HIRA: variants seen among roughly 807,000 people sequenced by gnomAD.
The protein encoded by HIRA is protein HIRA.
A neutral mutation model predicts 126.6 loss-of-function variants in HIRA; 13 were observed. That is an observed-to-expected ratio of 0.10 (90% CI 0.07 to 0.16). The LOEUF (loss-of-function observed/expected upper bound fraction) is 0.16. Ranked by LOEUF, HIRA falls within the 10% of genes least tolerant of loss-of-function variation. The pLI is 1.00. For missense variants in HIRA, 834 were observed against 1,314.4 expected (o/e 0.63, Z 5.65); for synonymous variants, 511 against 520.0 (o/e 0.98, Z 0.24).
chr22:19,361,763 C>T lies in HIRA; in HGVS notation c.1944G>A (p.Lys648=). ...GAGACACAGGCATGAGACGAGAGTC[C>T]TTCCGAGGCCGCCCTTTCTTCTTCT... ...VEKKKKGRPR[K]DSRLMPVSLS... is the part of the protein sequence containing the mutation. The change falls in exon 16 of 25, where the codon AAG becomes AAA. Residue 648 remains lysine (K), a synonymous_variant. Coordinates refer to ENST00000263208, the MANE Select transcript of HIRA (RefSeq NM_003325.4). The T allele has an allele frequency of 1.9e-6, 3 of 1,613,000 alleles. No individual in the cohort carries two copies. Among genetic ancestry groups the T allele is most frequent in the Non-Finnish European group, 2.5e-6 (3 of 1,180,046 alleles).
chr22:19,377,217 G>C (rs1169785740), intron 14 of HIRA, among the ~76,000 whole-genome samples: 1 of 152,002 alleles, frequency 6.6e-6, no homozygotes, highest in African/African-American at 2.4e-5. Flanking sequence ...CTGCAACCCT[G>C]TGGCTACCTC....
At chr22:19,383,515 G>C in intron 13 of HIRA, 105 bp downstream of exon 13, 1 of 900,630 alleles carries the variant, frequency 1.1e-6, no homozygotes, top group Non-Finnish European at 1.8e-6. Context: ...CTACCAGTCA[G>C]GTTGTGAAGG....
intron 24 of HIRA, among the ~76,000 whole-genome samples, chr22:19,336,215 C>T (rs2088566094): frequency 6.6e-6 from 1 of 152,156 alleles, no homozygotes; most frequent in African/African-American, 2.4e-5. Context: ...ATTCCAATAA[C>T]GACTGAGCTT....
In HIRA at chr22:19,351,520, T is replaced by C. The variant is rs1206244603; in HGVS notation, c.2849-74A>G. ...AATAGGAACACATTACAAAAAGAAA[T>C]AAAATCAAGAATATGTTGTTGTGTC... is the stretch of plus-strand genomic sequence containing the variant. On this transcript the variant is annotated intron_variant, in intron 23 of 24. Coordinates refer to ENST00000263208, the MANE Select transcript of HIRA (RefSeq NM_003325.4). This position sits in a 1 kb window ranked among gnomAD's most constrained non-coding sequence, Gnocchi z 4.8. 1 of 1,128,978 alleles carries C rather than the reference T, an allele frequency of 8.9e-7. No individual in the cohort carries two copies. 69.9% of individuals were successfully genotyped at this position (1,128,978 alleles called of 1,614,324 possible).
At position 19,331,476 on chromosome 22, in the gene HIRA, C is replaced by T. The variant is rs368494990; in HGVS notation, c.3018G>A (p.Glu1006=). ...QNLRFQRLFT[E]CQEQLDILRD... is the part of the protein sequence containing the mutation. ...TCAGGATGTCGAGCTGTTCCTGACA[C>T]TCGGTGAAGAGGCGCTGGAATCGGA... The change falls in exon 25 of 25, where the codon GAG becomes GAA. Residue 1006 remains glutamate, a synonymous_variant. Coordinates refer to ENST00000263208, the MANE Select transcript of HIRA (RefSeq NM_003325.4). 1 of 1,614,116 alleles carries T rather than the reference C, an allele frequency of 6.2e-7. No individual in the cohort carries two copies.
Position 19,361,924 on chromosome 22 carries a change from C to T in HIRA, c.1783G>A (p.Glu595Lys), listed in dbSNP as rs751362133. 3.0e-5 allele frequency: 48 copies of T among 1,614,020 alleles called. No individual in the cohort carries two copies. The highest frequency in any genetic ancestry group is 3.8e-5 in the Non-Finnish European group (45 of 1,179,998). Residue 595 changes from glutamate to lysine, a missense_variant, in exon 16 of 25, where the codon GAG becomes AAG. Glu to Lys is a moderately conservative substitution (Grantham distance 56). This residue lies in a region of HIRA where 468 missense variants were observed against 574.2 expected (regional missense o/e 0.82). Coordinates refer to ENST00000263208, the MANE Select transcript of HIRA (RefSeq NM_003325.4). ...CTCAGCTCTTTCACAAGGTTCTGCT[C>T]TTTTAACCTGCACAAAAACATTACA... ...MTPTAVERLKEQNLVKELRPR... is the reference protein window; with the variant it reads ...MTPTAVERLKKQNLVKELRPR...
rs181767189 is a variant in HIRA, at chr22:19,398,137, T to C, written c.398-50A>G. 4.2e-4 allele frequency: 605 copies of C among 1,427,210 alleles called. 1 individual carries two copies. The highest frequency in any genetic ancestry group is 8.9e-4 in the Admixed American group (52 of 58,256). The allele number at this position is 1,427,210 out of a possible 1,614,324, so 88.4% of individuals were successfully genotyped here. A position where few individuals can be genotyped will look rare whatever the true frequency, so the allele number is the denominator to read the frequency against. ...TGAGATCTCTTACCTGGTGATGCCC[T>C]TGTCTATTAGCTTGGCCAGTGCCCC... On this transcript the variant is annotated intron_variant, in intron 5 of 24. Coordinates refer to ENST00000263208, the MANE Select transcript of HIRA (RefSeq NM_003325.4).
chr22:19,395,406 C>T (rs2089214778), intron 7 of HIRA, among the ~76,000 whole-genome samples: 1 of 152,138 alleles, frequency 6.6e-6, no homozygotes, highest in African/African-American at 2.4e-5. Flanking sequence ...TGCTGGTACT[C>T]AAGACACTCC....
intron 22 of HIRA, 116 bp from the exon 23 acceptor site, chr22:19,353,635 G>A (rs530191803): frequency 9.0e-5 from 95 of 1,055,198 alleles, no homozygotes; most frequent in East Asian, 7.5e-4. Flanking sequence ...GGGCTGCCAA[G>A]GCCTCCCGTC....
chr22:19,388,390 G>A (rs1456498481), intron 10 of HIRA, 94 bp downstream of exon 10: 1 of 948,106 alleles, frequency 1.1e-6, no homozygotes, highest in Non-Finnish European at 1.7e-6. Flanking sequence ...AGGGGCCACT[G>A]GCCACCTGAC....
chr22:19,362,227 T>C (rs552184736), intron 15 of HIRA, among the ~76,000 whole-genome samples: 1 of 152,294 alleles, frequency 6.6e-6, no homozygotes, highest in East Asian at 1.9e-4. Flanking sequence ...GGAAGAGTGA[T>C]GTTAGAGAAA....
rs767170563 is a variant in HIRA at position 19,394,524 on chromosome 22, T to G, written c.655-15A>C. ...GTTCCTCCACACTGAAAGAAGCATCTGCACTTGAAAGGAGCTCAAGGCCAC... is the reference window on the plus strand; with the variant it reads ...GTTCCTCCACACTGAAAGAAGCATCGGCACTTGAAAGGAGCTCAAGGCCAC... On this transcript the variant is annotated splice_polypyrimidine_tract_variant and intron_variant, in intron 7 of 24. Transcript: ENST00000263208. 5.0e-6 allele frequency: 8 copies of G among 1,612,066 alleles called. No homozygotes were observed. Among genetic ancestry groups the G allele is most frequent in the Non-Finnish European group, 6.8e-6 (8 of 1,178,662 alleles).
chr22:19,361,851 G>A lies in HIRA; in HGVS notation c.1856C>T (p.Pro619Leu), dbSNP rs373944414. 3.8e-5 allele frequency: 62 copies of A among 1,614,140 alleles called. No homozygotes were observed. The highest frequency in any genetic ancestry group is 3.3e-4 in the East Asian group (15 of 44,884). ...GGACAGTGAGGAAGCCTTAGCCAAAGGGACTTTCTCATCGCTGTCACTGCT... is the reference window on the plus strand; with the variant it reads ...GGACAGTGAGGAAGCCTTAGCCAAAAGGACTTTCTCATCGCTGTCACTGCT... ...ESSSDSDEKVPLAKASSLSKR... is the reference protein window; with the variant it reads ...ESSSDSDEKVLLAKASSLSKR... The change falls in exon 16 of 25, where the codon CCT becomes CTT. Residue 619 changes from proline to leucine, a missense_variant. This residue lies in a region of HIRA where 468 missense variants were observed against 574.2 expected (regional missense o/e 0.82). Transcript: ENST00000263208.
intron 15 of HIRA, among the ~76,000 whole-genome samples, chr22:19,375,095 G>T (rs2073773): frequency 0.18 from 27,058 of 152,186 alleles, 2,543 homozygotes; most frequent in East Asian, 0.31. Flanking sequence ...CAACCTGCGT[G>T]ATGTCACAGC....
At chr22:19,405,371 A>T in intron 5 of HIRA, 1 of 448,276 alleles carries the variant, frequency 2.2e-6, no homozygotes, top group Non-Finnish European at 2.9e-6. Context: ...AAGTTTATTT[A>T]AAACACTGCA....
intron 1 of HIRA, among the ~76,000 whole-genome samples, chr22:19,422,193 CATACACATATAT>C (rs1274430646): frequency 0.049 from 7,178 of 145,504 alleles, 254 homozygotes; most frequent in South Asian, 0.16. Context: ...CACACACACA[CATACACATATAT>C]ATATATACAT....
At chr22:19,423,732 T>C (rs867156817) in intron 1 of HIRA, among the ~76,000 whole-genome samples, 2 of 152,190 alleles carry the variant, frequency 1.3e-5, no homozygotes, top group African/African-American at 2.4e-5. Flanking sequence ...ACCCTAGGTT[T>C]GTTAATGCAT....
At chr22:19,361,456 G>A (rs1274849267) in intron 16 of HIRA, 115 bp from the exon 17 acceptor site, 3 of 892,684 alleles carry the variant, frequency 3.4e-6, no homozygotes, top group Admixed American at 2.0e-5. Flanking sequence ...TTCCACCCTG[G>A]GAGGGAGGAA....
At chr22:19,342,168 A>G (rs542391452) in intron 24 of HIRA, among the ~76,000 whole-genome samples, 6 of 152,364 alleles carry the variant, frequency 3.9e-5, no homozygotes, top group Non-Finnish European at 8.8e-5. Flanking sequence ...TCTCAAAAGA[A>G]GATATACAAA....
Sources: gnomAD v4.1 joint callset for allele counts (sites outside exome capture counted in the v4.1 genomes callset) on GRCh38, gnomAD v4.1.1 for gene constraint, gnomAD v4.1.1 regional missense constraint, Gnocchi (gnomAD v3.1) non-coding constraint, MANE v1.5 for transcripts, NCBI Gene and HGNC (gene_info 2026-07-23, HGNC 2026-07-21) for gene names.